FSTL5: variants seen among roughly 807,000 people sequenced by gnomAD.
FSTL5 encodes the protein follistatin like 5, also known as follistatin-related protein 5.
In FSTL5, 62 loss-of-function variants were observed where a neutral mutation model predicts 89.1. The ratio of observed to expected loss-of-function variants is 0.70; its 90% CI spans 0.57 to 0.86. The LOEUF (loss-of-function observed/expected upper bound fraction) is 0.86. Ranked by LOEUF, FSTL5 falls within the 40% of genes least tolerant of loss-of-function variation. The probability of loss-of-function intolerance (pLI) is 0.00; values close to 1 mark genes in which losing one functional copy is unlikely to be tolerated. For synonymous variants in FSTL5, 383 were observed against 346.2 expected (o/e 1.11, Z -1.18); for missense variants, 1,057 against 1,001.6 (o/e 1.06, Z -0.75).
At chr4:161,611,178 A>G (rs1428584843) in intron 7 of FSTL5, among the ~76,000 whole-genome samples, 1 of 146,054 alleles carries the variant, frequency 6.8e-6, no homozygotes, top group Non-Finnish European at 1.5e-5. Context: ...ATGTGTATAT[A>G]TGTATATATG....
chr4:162,057,716 G>A (rs1408032040), intron 2 of FSTL5, among the ~76,000 whole-genome samples: 1 of 152,148 alleles, frequency 6.6e-6, no homozygotes, highest in Non-Finnish European at 1.5e-5. Flanking sequence ...GGCCGAGGTG[G>A]GCAGATGGCT....
chr4:161,724,322 G>T (rs1021326306), intron 6 of FSTL5, among the ~76,000 whole-genome samples: 4 of 151,956 alleles, frequency 2.6e-5, no homozygotes, highest in Admixed American at 1.3e-4. Flanking sequence ...ATTATTAATA[G>T]CAAAAAAGAT....
intron 2 of FSTL5, among the ~76,000 whole-genome samples, chr4:162,106,277 T>A (rs115033546): frequency 2.1e-3 from 315 of 152,264 alleles, no homozygotes; most frequent in African/African-American, 7.4e-3. Flanking sequence ...TAGTATCTGG[T>A]TAAATAGAGA....
chr4:161,750,923 G>C (rs1178682856), intron 6 of FSTL5, among the ~76,000 whole-genome samples: 1 of 152,002 alleles, frequency 6.6e-6, no homozygotes, highest in Non-Finnish European at 1.5e-5. Flanking sequence ...TACACTTAGA[G>C]TCAGAAAAGA....
At chr4:161,419,486 T>A (rs1372645138) in intron 15 of FSTL5, among the ~76,000 whole-genome samples, 2 of 152,194 alleles carry the variant, frequency 1.3e-5, no homozygotes, top group African/African-American at 4.8e-5. Context: ...TGAATACTGT[T>A]TCTGACTACC....
At position 162,035,393 on chromosome 4, in the gene FSTL5, G is replaced by C. The variant is rs548027886; in HGVS notation, c.127-1735C>G. The C allele has an allele frequency of 2.6e-5, 4 of 152,156 alleles. No individual in the cohort carries two copies. The East Asian group carries it at 5.8e-4, about 22-fold the overall frequency. 9.4% of individuals were successfully genotyped at this position (152,156 alleles called of 1,614,324 possible). On this transcript the variant is annotated intron_variant, in intron 2 of 15. Transcript: ENST00000306100. ...TAAATTGATTTTTGAATAAAATTCTGAATGAGGTGAGCATGATCCAAGCAT... is the reference window on the plus strand; with the variant it reads ...TAAATTGATTTTTGAATAAAATTCTCAATGAGGTGAGCATGATCCAAGCAT...
At chr4:162,112,768 G>A (rs1290952282) in intron 1 of FSTL5, among the ~76,000 whole-genome samples, 1 of 108,056 alleles carries the variant, frequency 9.3e-6, no homozygotes, top group Admixed American at 1.0e-4. Context: ...AAAGCTAACC[G>A]ACACAATCAC....
chr4:161,763,248 T>C lies in FSTL5; in HGVS notation c.607-3717A>G, dbSNP rs149805290. 2.1e-3 allele frequency among the ~76,000 whole-genome samples: 325 copies of C among 152,278 alleles called. 4 individuals are homozygous for C. The highest frequency in any genetic ancestry group is 7.5e-3 in the African/African-American group (313 of 41,540). ...AAAAATCTTTCCCATATGAAACTCA[T>C]ATTCTGGTGAAGGGAGAGCAAAGAA... On this transcript the variant is annotated intron_variant, in intron 5 of 15. Transcript: ENST00000306100.
At chr4:162,061,745 T>A (rs1738724585) in intron 2 of FSTL5, among the ~76,000 whole-genome samples, 1 of 152,100 alleles carries the variant, frequency 6.6e-6, no homozygotes, top group Non-Finnish European at 1.5e-5. Context: ...TACATATGCA[T>A]AAAGGCAGCC....
chr4:162,026,552 C>T (rs140823727), intron 3 of FSTL5, among the ~76,000 whole-genome samples: 170 of 152,042 alleles, frequency 1.1e-3, no homozygotes, highest in Admixed American at 3.0e-3. Context: ...AAGTGATCCA[C>T]CTGCCTTGGC....
At chr4:161,599,871 T>G (rs975802491) in intron 7 of FSTL5, among the ~76,000 whole-genome samples, 2 of 152,062 alleles carry the variant, frequency 1.3e-5, no homozygotes, top group African/African-American at 4.8e-5. Flanking sequence ...TGTGCACATG[T>G]ACTCCAGAAC....
At chr4:161,994,452 C>T (rs1457436179) in intron 3 of FSTL5, among the ~76,000 whole-genome samples, 1 of 152,132 alleles carries the variant, frequency 6.6e-6, no homozygotes, top group Admixed American at 6.6e-5. Context: ...CTTGAGAAAT[C>T]GCCATACTGC....
intron 3 of FSTL5, among the ~76,000 whole-genome samples, chr4:162,026,314 T>TTTTTTTTTTTTTTTC (rs1490113067): frequency 7.5e-6 from 1 of 132,474 alleles, no homozygotes; most frequent in Non-Finnish European, 1.6e-5. Context: ...CTTTTTTTTT[T>TTTTTTTTTTTTTTTC]TTTTTCTTTT....
intron 7 of FSTL5, among the ~76,000 whole-genome samples, chr4:161,615,379 T>G (rs905326707): frequency 1.5e-5 from 2 of 130,954 alleles, no homozygotes; most frequent in Non-Finnish European, 3.1e-5. Context: ...GGCAGCAGAA[T>G]GGCATGAACC....
intron 4 of FSTL5, among the ~76,000 whole-genome samples, chr4:161,840,196 A>G (rs1340103045): frequency 1.3e-5 from 2 of 152,058 alleles, no homozygotes; most frequent in Non-Finnish European, 2.9e-5. Context: ...AAGTGATTCC[A>G]TGTACTCTCG....
chr4:162,074,557 C>T (rs1320711736), intron 2 of FSTL5, among the ~76,000 whole-genome samples: 2 of 151,590 alleles, frequency 1.3e-5, no homozygotes, highest in African/African-American at 2.4e-5. Context: ...TTAATTGTTC[C>T]ACCTACTGTG....
At chr4:161,780,444 C>A in intron 4 of FSTL5, among the ~76,000 whole-genome samples, 1 of 152,164 alleles carries the variant, frequency 6.6e-6, no homozygotes, top group East Asian at 1.9e-4. Flanking sequence ...GGATTCACTT[C>A]ATGCTCTGGG....
intron 6 of FSTL5, among the ~76,000 whole-genome samples, chr4:161,730,964 C>T (rs945814490): frequency 2.0e-5 from 3 of 152,160 alleles, no homozygotes; most frequent in Non-Finnish European, 4.4e-5. Context: ...AGTGCCCATG[C>T]AAAGGCAATA....
intron 7 of FSTL5, among the ~76,000 whole-genome samples, chr4:161,599,869 T>A (rs536303198): frequency 4.7e-4 from 72 of 152,174 alleles, no homozygotes; most frequent in African/African-American, 1.6e-3. Flanking sequence ...ATTGTGCACA[T>A]GTACTCCAGA....
Sources: gnomAD v4.1 joint callset for allele counts (sites outside exome capture counted in the v4.1 genomes callset) on GRCh38, gnomAD v4.1.1 for gene constraint, MANE v1.5 for transcripts, NCBI Gene and HGNC (gene_info 2026-07-23, HGNC 2026-07-21) for gene names.